Variants in CCDC30 observed in about 807,000 individuals in gnomAD.
CCDC30 encodes coiled-coil domain containing 30, also known as coiled-coil domain-containing protein 30.
CCDC30 carries 70 observed loss-of-function variants against 100.2 expected under a neutral mutation model. The observed-to-expected ratio is 0.70, with a 90% CI of 0.58 to 0.85. CCDC30 has a LOEUF of 0.85. Among genes scored for constraint, CCDC30 ranks in the 40% least tolerant of loss-of-function variants. The pLI is 0.00. For synonymous variants in CCDC30, 233 were observed against 269.5 expected (o/e 0.86, Z 1.33); for missense variants, 652 against 771.2 (o/e 0.85, Z 1.83).
chr1:42,459,155 C>CT (rs11316113), upstream of CCDC30: 3,180 of 92,732 alleles, frequency 0.034, 78 homozygotes, highest in African/African-American at 0.066. Context: ...AGAGCCAAGG[C>CT]TTTTTTTTTT....
chr1:42,630,449 C>G (rs1647016381), intron 11 of CCDC30, among the ~76,000 whole-genome samples: 1 of 151,350 alleles, frequency 6.6e-6, no homozygotes, highest in South Asian at 2.1e-4. Flanking sequence ...ATGGCATGAA[C>G]TCAGCTCACT....
intron 1 of CCDC30, among the ~76,000 whole-genome samples, chr1:42,465,727 A>G (rs1643557412): frequency 6.6e-6 from 1 of 152,158 alleles, no homozygotes; most frequent in Non-Finnish European, 1.5e-5. Flanking sequence ...ACATTTGGCA[A>G]TGTACGTAAG....
chr1:42,462,698 A>G (rs571342128), upstream of CCDC30, among the ~76,000 whole-genome samples: 13 of 152,282 alleles, frequency 8.5e-5, no homozygotes, highest in South Asian at 2.7e-3. Flanking sequence ...TGTGTCATTT[A>G]TAAGTTTTTA....
intron 6 of CCDC30, 67 bp downstream of exon 10, chr1:42,556,472 A>G (rs993697487): frequency 1.4e-6 from 2 of 1,469,404 alleles, no homozygotes; most frequent in South Asian, 1.4e-5. Context: ...TATAAGCATC[A>G]TTTTAAATAC....
chr1:42,644,697 C>T, exon 14 of CCDC30: 1 of 1,591,732 alleles, frequency 6.3e-7, no homozygotes, highest in Non-Finnish European at 8.6e-7. Context: ...TCTTAGGGTA[C>T]TTTACATGGA....
intron 6 of CCDC30, among the ~76,000 whole-genome samples, chr1:42,560,318 A>G (rs1333833365): frequency 2.6e-5 from 4 of 151,962 alleles, no homozygotes; most frequent in Middle Eastern, 3.2e-3. Context: ...AGATAGAGAC[A>G]TGAAAAACTC....
chr1:42,504,745 C>T (rs1428779302), intron 6 of CCDC30, among the ~76,000 whole-genome samples: 3 of 152,122 alleles, frequency 2.0e-5, no homozygotes, highest in Non-Finnish European at 4.4e-5. Context: ...TTCCACAGAC[C>T]GTTTATGACA....
intron 6 of CCDC30, among the ~76,000 whole-genome samples, chr1:42,512,177 TC>T (rs1206068012): frequency 1.3e-5 from 2 of 152,358 alleles, no homozygotes; most frequent in African/African-American, 4.8e-5. Flanking sequence ...TAAGTGGTTT[TC>T]CACCCTGGGT....
chr1:42,632,451 A>G (rs1245931963), intron 11 of CCDC30, among the ~76,000 whole-genome samples: 1 of 150,536 alleles, frequency 6.6e-6, no homozygotes, highest in African/African-American at 2.5e-5. Context: ...TGGGCAACAG[A>G]GTGAGACTCT....
At chr1:42,514,692 C>T (rs376794741) in intron 6 of CCDC30, among the ~76,000 whole-genome samples, 2 of 152,102 alleles carry the variant, frequency 1.3e-5, no homozygotes, top group African/African-American at 2.4e-5. Flanking sequence ...CATGCTCTGT[C>T]GCCCAGGCTG....
At chr1:42,461,513 T>C (rs1018254586), upstream of CCDC30, among the ~76,000 whole-genome samples, 1 of 152,090 alleles carries the variant, frequency 6.6e-6, no homozygotes, top group Non-Finnish European at 1.5e-5. Flanking sequence ...ATATTTTATT[T>C]TTCATAGAGA....
At chr1:42,545,455 C>T (rs1645109042) in intron 6 of CCDC30, 2 of 1,597,826 alleles carry the variant, frequency 1.3e-6, no homozygotes, top group Non-Finnish European at 1.7e-6. Context: ...TCATTTTACT[C>T]TAGGGGGAAA....
intron 6 of CCDC30, among the ~76,000 whole-genome samples, chr1:42,514,324 G>A (rs1015039425): frequency 2.0e-5 from 3 of 152,150 alleles, no homozygotes; most frequent in African/African-American, 7.2e-5. Context: ...CTACCAGACT[G>A]TTTTCCAATG....
At chr1:42,456,695 G>C in the CCDC30 span, 1 of 1,607,106 alleles carries the variant, frequency 6.2e-7, no homozygotes, top group Admixed American at 1.7e-5. Flanking sequence ...TACGTCAGGC[G>C]GCACCAAGGT....
At chr1:42,500,904 T>G (rs1347354148) in intron 6 of CCDC30, among the ~76,000 whole-genome samples, 1 of 152,194 alleles carries the variant, frequency 6.6e-6, no homozygotes, top group African/African-American at 2.4e-5. Context: ...GAGTTCTTTA[T>G]ATATTTTCAA....
At chr1:42,460,187 C>T, upstream of CCDC30, 1 of 1,160,666 alleles carries the variant, frequency 8.6e-7, no homozygotes, top group Non-Finnish European at 1.1e-6. Context: ...TTAAAATATA[C>T]ATGGGGGCCT....
chr1:42,602,188 A>T (rs1057222410), intron 10 of CCDC30, among the ~76,000 whole-genome samples: 1 of 152,046 alleles, frequency 6.6e-6, no homozygotes, highest in African/African-American at 2.4e-5. Context: ...TTACAAAAAG[A>T]AGAGCAAATT....
intron 9 of CCDC30, 45 bp from the exon 14 acceptor site, chr1:42,589,276 A>T: frequency 2.7e-6 from 4 of 1,489,256 alleles, no homozygotes; most frequent in Non-Finnish European, 3.6e-6. Flanking sequence ...TCTGAATTTC[A>T]TTTGCAATTC....
intron 6 of CCDC30, among the ~76,000 whole-genome samples, chr1:42,511,844 C>G (rs1644483219): frequency 6.6e-6 from 1 of 151,520 alleles, no homozygotes; most frequent in Non-Finnish European, 1.5e-5. Flanking sequence ...TGTCTGAGAC[C>G]AGCTTGGTCG....
Sources: gnomAD v4.1 joint callset for allele counts (sites outside exome capture counted in the v4.1 genomes callset) on GRCh38, gnomAD v4.1.1 for gene constraint, MANE v1.5 for transcripts, NCBI Gene and HGNC (gene_info 2026-07-23, HGNC 2026-07-21) for gene names.